HCN1: variants seen among roughly 807,000 people sequenced by gnomAD.
HCN1 encodes potassium/sodium hyperpolarization-activated cyclic nucleotide-gated channel 1.
Under a neutral mutation model 78.9 loss-of-function variants are expected in HCN1, and 13 were observed. The ratio of observed to expected loss-of-function variants is 0.16; its 90% CI spans 0.11 to 0.26. The LOEUF is 0.26. Among genes scored for constraint, HCN1 ranks in the 10% least tolerant of loss-of-function variants. The pLI, the probability that HCN1 is intolerant of heterozygous loss-of-function variation, is 1.00. For synonymous variants in HCN1, 552 were observed against 455.5 expected, an observed-to-expected ratio of 1.21 and a Z score of -2.70; for missense variants, 810 against 1,154.3, an observed-to-expected ratio of 0.70 and a Z score of 4.32.
At chr5:45,386,282 C>A (rs935972004) in intron 4 of HCN1, among the ~76,000 whole-genome samples, 3 of 150,678 alleles carry the variant, frequency 2.0e-5, no homozygotes, top group African/African-American at 7.3e-5. Flanking sequence ...CTCAAGTGAT[C>A]CTCCCACCTC....
intron 2 of HCN1, among the ~76,000 whole-genome samples, chr5:45,561,371 A>C (rs908858249): frequency 1.3e-5 from 2 of 152,072 alleles, no homozygotes; most frequent in Non-Finnish European, 2.9e-5. Flanking sequence ...AAACAAATGC[A>C]ATCAATTTAG....
At chr5:45,325,302 T>C (rs1746214368) in intron 5 of HCN1, among the ~76,000 whole-genome samples, 1 of 151,740 alleles carries the variant, frequency 6.6e-6, no homozygotes, top group Non-Finnish European at 1.5e-5. Context: ...CTGTCATTAA[T>C]AAAACACTCC....
At chr5:45,556,674 G>A (rs1204524113) in intron 2 of HCN1, among the ~76,000 whole-genome samples, 1 of 151,806 alleles carries the variant, frequency 6.6e-6, no homozygotes, top group Admixed American at 6.6e-5. Context: ...AAGCACATTT[G>A]CCTTAATTGC....
intron 5 of HCN1, among the ~76,000 whole-genome samples, chr5:45,310,420 A>G (rs1367737228): frequency 2.0e-5 from 3 of 152,188 alleles, no homozygotes; most frequent in African/African-American, 7.2e-5. Flanking sequence ...TAAAGAGATC[A>G]ACATCACTGA....
intron 1 of HCN1, among the ~76,000 whole-genome samples, chr5:45,694,276 CTGTG>C (rs994308261): frequency 1.3e-5 from 2 of 152,122 alleles, no homozygotes; most frequent in African/African-American, 4.8e-5. Context: ...TTGGACTTTG[CTGTG>C]TGTTTTTACA....
At chr5:45,418,280 T>C (rs563616507) in intron 3 of HCN1, among the ~76,000 whole-genome samples, 4 of 151,726 alleles carry the variant, frequency 2.6e-5, no homozygotes, top group Non-Finnish European at 5.9e-5. Context: ...CATTAAACTA[T>C]ATTTATTCAA....
chr5:45,459,929 G>A (rs1222295340), intron 3 of HCN1, among the ~76,000 whole-genome samples: 1 of 151,934 alleles, frequency 6.6e-6, no homozygotes, highest in Non-Finnish European at 1.5e-5. Flanking sequence ...CCTTCAAAAA[G>A]ATAAGTAAAG....
At chr5:45,458,271 T>C (rs1215652925) in intron 3 of HCN1, among the ~76,000 whole-genome samples, 2 of 151,858 alleles carry the variant, frequency 1.3e-5, no homozygotes, top group African/African-American at 4.8e-5. Flanking sequence ...GTAATTAATA[T>C]TTAAGAATAA....
chr5:45,323,908 G>T (rs931896443), intron 5 of HCN1, among the ~76,000 whole-genome samples: 2 of 151,936 alleles, frequency 1.3e-5, no homozygotes. Flanking sequence ...TTTTATAGCT[G>T]CATAGTATTC....
At chr5:45,264,840 T>C (rs1293653707) in intron 7 of HCN1, among the ~76,000 whole-genome samples, 2 of 152,242 alleles carry the variant, frequency 1.3e-5, no homozygotes, top group Non-Finnish European at 2.9e-5. Flanking sequence ...TTAGTGCCTA[T>C]TAGAAATTGC....
intron 1 of HCN1, among the ~76,000 whole-genome samples, chr5:45,646,899 A>G (rs1453344061): frequency 6.6e-6 from 1 of 152,182 alleles, no homozygotes; most frequent in Non-Finnish European, 1.5e-5. Context: ...TAAACAATAT[A>G]AACTTCCATG....
At chr5:45,543,396 T>C (rs1743143518) in intron 2 of HCN1, among the ~76,000 whole-genome samples, 1 of 152,098 alleles carries the variant, frequency 6.6e-6, no homozygotes, top group Non-Finnish European at 1.5e-5. Context: ...TGATATACTA[T>C]GACTTGCTTT....
chr5:45,255,809 A>C lies in HCN1; in HGVS notation c.*6112T>G, dbSNP rs2111828542. On this transcript the variant is annotated 3_prime_UTR_variant, in exon 8 of 8. Coordinates refer to ENST00000303230, the MANE Select transcript of HCN1 (RefSeq NM_021072.4). ...CCTCACAAATTTAACAGGAAATAAA[A>C]ACCTTTCAAGAAAGTCTCTTTGCCT... 1 of 152,278 alleles carries C rather than the reference A, an allele frequency of 6.6e-6. No homozygotes were observed. Among genetic ancestry groups the C allele is most frequent in the Middle Eastern group, 3.4e-3 (1 of 294 alleles). The allele number at this position is 152,278 out of a possible 1,614,324, so 9.4% of individuals were successfully genotyped here.
rs978963227 is a variant in HCN1, at chr5:45,452,412, A to AT, written c.1011+9433dup. On this transcript the variant is annotated intron_variant, in intron 3 of 7. Transcript: ENST00000303230. ...CAAGTCACAGGGGTTTGATATAGAG[A>AT]TTTTTTTTTTGTCACGCAGGTAGTA... Among the ~76,000 whole-genome samples the AT allele has an allele frequency of 3.3e-3, 472 of 144,282 alleles. 1 individual carries two copies. The highest frequency in any genetic ancestry group is 0.01 in the African/African-American group (404 of 39,222). 94.7% of individuals were successfully genotyped at this position (144,282 alleles called of 152,430 possible).
chr5:45,549,653 T>C (rs1240558066), intron 2 of HCN1, among the ~76,000 whole-genome samples: 1 of 152,158 alleles, frequency 6.6e-6, no homozygotes, highest in African/African-American at 2.4e-5. Flanking sequence ...AAATGGGATC[T>C]AATTAAACTC....
chr5:45,606,593 A>C (rs1286231628), intron 2 of HCN1, among the ~76,000 whole-genome samples: 1 of 151,866 alleles, frequency 6.6e-6, no homozygotes, highest in Non-Finnish European at 1.5e-5. Context: ...AAAAGTCACA[A>C]CTCCAGCACA....
intron 1 of HCN1, among the ~76,000 whole-genome samples, chr5:45,683,914 G>T (rs989507720): frequency 6.6e-6 from 1 of 152,044 alleles, no homozygotes; most frequent in Admixed American, 6.5e-5. Context: ...CAAGAGAGCT[G>T]CCCGCCTCAG....
intron 2 of HCN1, among the ~76,000 whole-genome samples, chr5:45,571,468 C>T (rs373392000): frequency 9.2e-5 from 14 of 152,118 alleles, no homozygotes; most frequent in South Asian, 8.3e-4. Flanking sequence ...ATAGATGAAA[C>T]GCCAAAATAG....
chr5:45,340,223 G>A (rs1746548244), intron 5 of HCN1, among the ~76,000 whole-genome samples: 1 of 152,092 alleles, frequency 6.6e-6, no homozygotes, highest in African/African-American at 2.4e-5. Context: ...GTCCGGCTGG[G>A]AAGAATAGTT....
Sources: gnomAD v4.1 joint callset for allele counts (sites outside exome capture counted in the v4.1 genomes callset) on GRCh38, gnomAD v4.1.1 for gene constraint, MANE v1.5 for transcripts, NCBI Gene and HGNC (gene_info 2026-07-23, HGNC 2026-07-21) for gene names.